Variants in SLC38A12 observed in about 807,000 individuals in gnomAD.
SLC38A12 encodes the protein solute carrier family 38 member 12.
chr17:74,819,821 G>A, the SLC38A12 span: 1 of 1,614,140 alleles, frequency 6.2e-7, no homozygotes, highest in Non-Finnish European at 8.5e-7. Flanking sequence ...TGCAGATCCT[G>A]ACCTCTCTGA....
At chr17:74,806,503 T>C in the SLC38A12 span, among the ~76,000 whole-genome samples, 1 of 152,190 alleles carries the variant, frequency 6.6e-6, no homozygotes, top group African/African-American at 2.4e-5. Context: ...ACGCCTGTAG[T>C]GCCCAGAGGA....
At chr17:74,831,925 A>G in the SLC38A12 span, among the ~76,000 whole-genome samples, 1 of 152,228 alleles carries the variant, frequency 6.6e-6, no homozygotes, top group African/African-American at 2.4e-5. Context: ...CAGGGTCTCC[A>G]TAACCTGTCA....
At chr17:74,830,939 G>A in the SLC38A12 span, among the ~76,000 whole-genome samples, 37,390 of 152,194 alleles carry the variant, frequency 0.25, 4,987 homozygotes, top group East Asian at 0.41. Context: ...AGCAGCCTTG[G>A]CAGGCGACCT....
At chr17:74,790,649 C>T in the SLC38A12 span, among the ~76,000 whole-genome samples, 2 of 152,146 alleles carry the variant, frequency 1.3e-5, no homozygotes, top group Middle Eastern at 3.4e-3. Flanking sequence ...TCTCTTCTTC[C>T]TCCTGCCTTG....
chr17:74,786,415 G>A, the SLC38A12 span, among the ~76,000 whole-genome samples: 1 of 152,268 alleles, frequency 6.6e-6, no homozygotes. Context: ...TCTGGGTACT[G>A]AGGGGGCCTC....
chr17:74,801,848 C>A, the SLC38A12 span, among the ~76,000 whole-genome samples: 1 of 152,090 alleles, frequency 6.6e-6, no homozygotes, highest in Non-Finnish European at 1.5e-5. Flanking sequence ...CCAGGAATGG[C>A]TTCTTGTCTT....
At chr17:74,805,619 C>T in the SLC38A12 span, among the ~76,000 whole-genome samples, 4 of 152,200 alleles carry the variant, frequency 2.6e-5, no homozygotes, top group African/African-American at 7.2e-5. This position sits in a 1 kb window ranked among gnomAD's most constrained non-coding sequence, Gnocchi z 5.0. Flanking sequence ...CGTCCCGCCT[C>T]CAAGGTTACT....
At chr17:74,836,549 G>A in the SLC38A12 span, 1 of 1,613,376 alleles carries the variant, frequency 6.2e-7, no homozygotes, top group Non-Finnish European at 8.5e-7. The surrounding 1 kb of genome is among the most constrained non-coding windows in gnomAD (Gnocchi z 4.2). Flanking sequence ...ACACCCAGCT[G>A]GCCTTTGGCT....
chr17:74,799,390 G>A, the SLC38A12 span, among the ~76,000 whole-genome samples: 5 of 152,240 alleles, frequency 3.3e-5, no homozygotes, highest in Admixed American at 3.3e-4. Context: ...CCCTTCGTGG[G>A]CTGCCCTGGG....
chr17:74,795,162 A>C, the SLC38A12 span: 1 of 1,488,020 alleles, frequency 6.7e-7, no homozygotes, highest in Non-Finnish European at 9.4e-7. Flanking sequence ...GGGCTTCCTC[A>C]GCAAGTCAGG....
At chr17:74,823,720 C>T in the SLC38A12 span, among the ~76,000 whole-genome samples, 2 of 152,170 alleles carry the variant, frequency 1.3e-5, no homozygotes, top group South Asian at 4.1e-4. Flanking sequence ...ATGGCTGGCT[C>T]ACCCCCAGGT....
chr17:74,808,750 C>T, the SLC38A12 span, among the ~76,000 whole-genome samples: 3 of 152,198 alleles, frequency 2.0e-5, no homozygotes, highest in African/African-American at 7.2e-5. Context: ...GGGGTATTAC[C>T]AGGTGTGTGG....
At chr17:74,802,719 G>A in the SLC38A12 span, among the ~76,000 whole-genome samples, 2 of 152,182 alleles carry the variant, frequency 1.3e-5, no homozygotes, top group African/African-American at 4.8e-5. Context: ...TTTGAGGATC[G>A]TGTCAGTGCT....
At chr17:74,785,348 C>T in the SLC38A12 span, 2 of 1,315,336 alleles carry the variant, frequency 1.5e-6, no homozygotes, top group African/African-American at 1.5e-5. Context: ...TTCTCCTGTC[C>T]TGCCTCCTTC....
the SLC38A12 span, among the ~76,000 whole-genome samples, chr17:74,789,944 TTTG>T: frequency 3.7e-5 from 4 of 108,242 alleles, no homozygotes; most frequent in Non-Finnish European, 5.9e-5. Flanking sequence ...CTCTTTCTTT[TTTG>T]TTTTTTTGTT....
the SLC38A12 span, among the ~76,000 whole-genome samples, chr17:74,789,862 A>AG: frequency 1.3e-5 from 2 of 151,258 alleles, no homozygotes; most frequent in Non-Finnish European, 3.0e-5. Flanking sequence ...AAAAAAAAAA[A>AG]AAAAAGGAAG....
At chr17:74,800,066 G>A in the SLC38A12 span, among the ~76,000 whole-genome samples, 4 of 152,222 alleles carry the variant, frequency 2.6e-5, no homozygotes, top group Non-Finnish European at 5.9e-5. Flanking sequence ...TGGGATCCCG[G>A]AGCTGAAGCA....
chr17:74,779,269 G>A, the SLC38A12 span, among the ~76,000 whole-genome samples: 1 of 152,202 alleles, frequency 6.6e-6, no homozygotes, highest in Non-Finnish European at 1.5e-5. Flanking sequence ...CAGGAAATGA[G>A]GCAGTTAGGC....
the SLC38A12 span, among the ~76,000 whole-genome samples, chr17:74,803,574 C>G: frequency 6.6e-6 from 1 of 152,204 alleles, no homozygotes; most frequent in Non-Finnish European, 1.5e-5. Context: ...ATCCTGATCC[C>G]AGTCAGACCC....
Sources: gnomAD v4.1 joint callset for allele counts (sites outside exome capture counted in the v4.1 genomes callset) on GRCh38, gnomAD v4.1.1 for gene constraint, Gnocchi (gnomAD v3.1) non-coding constraint, MANE v1.5 for transcripts, NCBI Gene and HGNC (gene_info 2026-07-23, HGNC 2026-07-21) for gene names.